IKZF2: variants seen among roughly 807,000 people sequenced by gnomAD.
IKZF2 encodes the protein IKAROS family zinc finger 2, also known as zinc finger protein Helios.
A neutral mutation model predicts 49.2 loss-of-function variants in IKZF2; 15 were observed. The observed-to-expected ratio is 0.30, with a 90% CI of 0.20 to 0.47. The LOEUF (loss-of-function observed/expected upper bound fraction) is 0.47. Ranked by LOEUF, IKZF2 falls within the 20% of genes least tolerant of loss-of-function variation. IKZF2 has a pLI of 1.00. For missense variants in IKZF2, 567 were observed against 664.6 expected (o/e 0.85, Z 1.61); for synonymous variants, 227 against 221.4 (o/e 1.03, Z -0.23).
chr2:213,043,183 TACACACACACAC>T (rs34393449), intron 6 of IKZF2, among the ~76,000 whole-genome samples: 1 of 148,742 alleles, frequency 6.7e-6, no homozygotes, highest in Non-Finnish European at 1.5e-5. Flanking sequence ...GTAAATGAAA[TACACACACACAC>T]ACACACACAC....
At chr2:213,099,672 A>T (rs1706425583) in intron 4 of IKZF2, among the ~76,000 whole-genome samples, 1 of 152,098 alleles carries the variant, frequency 6.6e-6, no homozygotes, top group Non-Finnish European at 1.5e-5. Context: ...TAAAAGAAAA[A>T]ACGTGAAGCA....
At position 213,003,960 on chromosome 2, in the gene IKZF2, A is replaced by G. The variant is rs1481545906; in HGVS notation, c.*3400T>C. 6.6e-6 allele frequency: 1 copy of G among 151,874 alleles called. No individual in the cohort carries two copies. Among genetic ancestry groups the G allele is most frequent in the African/African-American group, 2.4e-5 (1 of 41,416 alleles). 9.4% of individuals were successfully genotyped at this position (151,874 alleles called of 1,614,324 possible). A position where few individuals can be genotyped will look rare whatever the true frequency, so the allele number is the denominator to read the frequency against. On this transcript the variant is annotated 3_prime_UTR_variant, in exon 9 of 9. Transcript: ENST00000434687. ...TTTGTTCTGTAAGTAGATAATAAGG[A>G]CCCAAAGTTTTAGTTTAAGAGTTGC...
chr2:213,048,843 G>T (rs1242165433), intron 6 of IKZF2, among the ~76,000 whole-genome samples: 1 of 151,846 alleles, frequency 6.6e-6, no homozygotes, highest in Admixed American at 6.6e-5. Flanking sequence ...TCTCTAATAC[G>T]ATTTGTCAAT....
At chr2:213,054,686 A>G (rs1026593103) in intron 5 of IKZF2, among the ~76,000 whole-genome samples, 7 of 152,186 alleles carry the variant, frequency 4.6e-5, no homozygotes, top group Non-Finnish European at 8.8e-5. Context: ...AAGAAAGTAT[A>G]ATAATTTGCA....
chr2:213,016,228 A>C (rs1254857743), intron 7 of IKZF2, among the ~76,000 whole-genome samples: 2 of 152,122 alleles, frequency 1.3e-5, no homozygotes, highest in Non-Finnish European at 1.5e-5. Context: ...AAATAGGTGT[A>C]ATACCATCTT....
chr2:213,143,222 C>T (rs1034841679), intron 4 of IKZF2, among the ~76,000 whole-genome samples: 2 of 151,894 alleles, frequency 1.3e-5, no homozygotes, highest in Non-Finnish European at 2.9e-5. Context: ...CTCAATAGAA[C>T]ACAATCAATG....
chr2:213,050,639 A>G (rs1428486700), intron 5 of IKZF2, among the ~76,000 whole-genome samples: 1 of 152,118 alleles, frequency 6.6e-6, no homozygotes, highest in Non-Finnish European at 1.5e-5. Flanking sequence ...TTTTTTGTGA[A>G]ACTTATTATT....
chr2:213,017,388 G>T (rs529883784), intron 7 of IKZF2, among the ~76,000 whole-genome samples: 40 of 152,106 alleles, frequency 2.6e-4, no homozygotes, highest in Non-Finnish European at 4.7e-4. Context: ...AGACATAAAA[G>T]AATATAGTAA....
intron 4 of IKZF2, among the ~76,000 whole-genome samples, chr2:213,139,215 G>T (rs769188589): frequency 2.6e-5 from 4 of 151,860 alleles, no homozygotes; most frequent in African/African-American, 9.7e-5. Flanking sequence ...GAATCTGGGG[G>T]ATTTAGCCTA....
intron 4 of IKZF2, among the ~76,000 whole-genome samples, chr2:213,100,381 T>C (rs1312552339): frequency 6.6e-6 from 1 of 152,034 alleles, no homozygotes; most frequent in Non-Finnish European, 1.5e-5. Context: ...ATGATAGATA[T>C]TGACTATTTT....
chr2:213,038,222 C>A (rs1699232858), intron 6 of IKZF2, among the ~76,000 whole-genome samples: 1 of 151,998 alleles, frequency 6.6e-6, no homozygotes, highest in South Asian at 2.1e-4. Context: ...CCACGCCCAG[C>A]TAATTTTTTT....
chr2:213,083,863 T>C (rs1214196432), intron 4 of IKZF2, among the ~76,000 whole-genome samples: 1 of 151,656 alleles, frequency 6.6e-6, no homozygotes, highest in African/African-American at 2.4e-5. Context: ...CCACAGATTC[T>C]ACATTATGAT....
At chr2:213,088,529 C>T (rs974150339) in intron 4 of IKZF2, among the ~76,000 whole-genome samples, 1 of 152,096 alleles carries the variant, frequency 6.6e-6, no homozygotes, top group African/African-American at 2.4e-5. Flanking sequence ...GAGGCTGAGG[C>T]AGGGGGATCA....
At chr2:213,125,956 G>A (rs2060246383) in intron 4 of IKZF2, among the ~76,000 whole-genome samples, 1 of 152,158 alleles carries the variant, frequency 6.6e-6, no homozygotes, top group Non-Finnish European at 1.5e-5. Flanking sequence ...AAAAATTATG[G>A]AAAGATAATT....
chr2:213,108,296 C>T (rs1434339538), intron 4 of IKZF2, among the ~76,000 whole-genome samples: 2 of 152,100 alleles, frequency 1.3e-5, no homozygotes, highest in African/African-American at 2.4e-5. Flanking sequence ...ATTTCTTCTA[C>T]ATGACGTAAA....
intron 4 of IKZF2, among the ~76,000 whole-genome samples, chr2:213,077,587 T>C (rs1703414157): frequency 7.3e-6 from 1 of 136,874 alleles, no homozygotes; most frequent in East Asian, 2.1e-4. Context: ...GTACTTTTTT[T>C]TTTTTTTTTT....
chr2:213,128,823 T>TTTTTTTTTTTTTTG (rs2060366140), intron 4 of IKZF2, among the ~76,000 whole-genome samples: 2 of 147,630 alleles, frequency 1.4e-5, no homozygotes, highest in Non-Finnish European at 3.0e-5. Flanking sequence ...TTTTTTTTTT[T>TTTTTTTTTTTTTTG]GTATTTTTAG....
chr2:213,083,713 A>T (rs1169173626), intron 4 of IKZF2, among the ~76,000 whole-genome samples: 1 of 151,158 alleles, frequency 6.6e-6, no homozygotes, highest in African/African-American at 2.4e-5. Flanking sequence ...CAGATGGCGA[A>T]CTTTATTGTG....
intron 4 of IKZF2, among the ~76,000 whole-genome samples, chr2:213,134,745 A>G (rs1240298308): frequency 6.6e-6 from 1 of 152,220 alleles, no homozygotes; most frequent in Non-Finnish European, 1.5e-5. Context: ...TCTTATTGCC[A>G]CATTCCTCAT....
Sources: gnomAD v4.1 joint callset for allele counts (sites outside exome capture counted in the v4.1 genomes callset) on GRCh38, gnomAD v4.1.1 for gene constraint, MANE v1.5 for transcripts, NCBI Gene and HGNC (gene_info 2026-07-23, HGNC 2026-07-21) for gene names.